The following SCRN1 variants were observed in gnomAD, a reference collection of about 807,000 sequenced individuals.
SCRN1 encodes secernin 1, also known as secernin-1.
In SCRN1, 19 loss-of-function variants were observed where a neutral mutation model predicts 43.3. The ratio of observed to expected loss-of-function variants is 0.44; its 90% confidence interval spans 0.31 to 0.64. The LOEUF (loss-of-function observed/expected upper bound fraction) is 0.64. SCRN1 is among the 30% of genes least tolerant of loss of function. The pLI, the probability that SCRN1 is intolerant of heterozygous loss-of-function variation, is 0.09. For synonymous variants in SCRN1, 183 were observed against 188.9 expected, an observed-to-expected ratio of 0.97 and a Z score of 0.26; for missense variants, 447 against 524.1, an observed-to-expected ratio of 0.85 and a Z score of 1.44.
At chr7:29,983,600 T>A (rs1272188837) in intron 1 of SCRN1, among the ~76,000 whole-genome samples, 1 of 152,156 alleles carries the variant, frequency 6.6e-6, no homozygotes, top group African/African-American at 2.4e-5. Flanking sequence ...GCTATCAACA[T>A]ATAAATAGGG....
Position 29,969,039 on chromosome 7 carries a change from A to G in SCRN1, c.29T>C (p.Phe10Ser). The change falls in exon 2 of 8, where the codon TTT (phenylalanine) becomes TCT (serine). Residue 10 changes from phenylalanine (F) to serine (S), a missense_variant. Physicochemically the swap from Phe to Ser is radical, Grantham distance 155 (BLOSUM62 -2). Transcript: ENST00000242059. MAAAPPSYC[F>S]VAFPPRAKDG... is the part of the protein sequence containing the mutation. ...CTTAGCACGTGGAGGGAAGGCAACAAAACAGTAACTTGGAGGAGCTGCAGC... is the reference window on the plus strand; with the variant it reads ...CTTAGCACGTGGAGGGAAGGCAACAGAACAGTAACTTGGAGGAGCTGCAGC... 1 of 1,613,966 alleles carries G rather than the reference A, an allele frequency of 6.2e-7. No individual in the cohort carries two copies. The highest frequency in any genetic ancestry group is 2.2e-5 in the East Asian group (1 of 44,870).
intron 1 of SCRN1, among the ~76,000 whole-genome samples, chr7:29,970,519 G>A (rs1425133808): frequency 6.6e-6 from 1 of 152,180 alleles, no homozygotes; most frequent in African/African-American, 2.4e-5. Flanking sequence ...ATCATAATCT[G>A]AAATACTTGT....
intron 4 of SCRN1, among the ~76,000 whole-genome samples, chr7:29,942,582 C>A (rs1234294268): frequency 6.6e-6 from 1 of 152,138 alleles, no homozygotes; most frequent in Non-Finnish European, 1.5e-5. Flanking sequence ...GGGTTTTTAT[C>A]AAGGAGTTTT....
At position 29,979,248 on chromosome 7, in the gene SCRN1, A is replaced by G. The variant is rs1020247847; in HGVS notation, c.-1-10180T>C. Reference sequence around the variant, plus strand: ...CGTGGTGGCACGTGCCTGTAATCCCAGCTACTCAGGAGGCTGAGGCAGGAG... The same window carrying G: ...CGTGGTGGCACGTGCCTGTAATCCCGGCTACTCAGGAGGCTGAGGCAGGAG... On this transcript the variant is annotated intron_variant, in intron 1 of 7. Transcript: ENST00000242059. 1.1e-4 allele frequency among the ~76,000 whole-genome samples: 16 copies of G among 152,254 alleles called. No homozygotes were observed. The East Asian group carries it at 3.1e-3, about 29-fold the overall frequency.
At chr7:29,982,376 T>C (rs1789015689) in intron 1 of SCRN1, among the ~76,000 whole-genome samples, 2 of 152,016 alleles carry the variant, frequency 1.3e-5, no homozygotes, top group East Asian at 3.9e-4. Flanking sequence ...GCTGAGAAAA[T>C]GAAAGCTACA....
At chr7:29,983,612 T>C (rs1273810506) in intron 1 of SCRN1, among the ~76,000 whole-genome samples, 1 of 152,174 alleles carries the variant, frequency 6.6e-6, no homozygotes, top group African/African-American at 2.4e-5. Flanking sequence ...TAAATAGGGC[T>C]TTTGGAGAAA....
chr7:29,972,280 T>C (rs1304391465), intron 1 of SCRN1, among the ~76,000 whole-genome samples: 2 of 152,156 alleles, frequency 1.3e-5, no homozygotes. Context: ...ATATGCTCCC[T>C]CTCTCCCCAT....
Position 29,947,395 on chromosome 7 carries a change from T to G in SCRN1, c.342-3216A>C, listed in dbSNP as rs968999325. The G allele has an allele frequency of 6.7e-6, 10 of 1,503,460 alleles. No individual in the cohort carries two copies. In the Admixed American group the frequency reaches 1.9e-4, roughly 29 times the overall value. The allele number at this position is 1,503,460 out of a possible 1,614,324, so 93.1% of individuals were successfully genotyped here. On this transcript the variant is annotated intron_variant, in intron 3 of 7. Transcript: ENST00000242059. ...TTGTTTAGAAACTCTGCTTATCTTT[T>G]CAACATCTGTGCCTCCATGGATTAG...
chr7:29,924,418 A>T (rs1007975639), intron 7 of SCRN1, among the ~76,000 whole-genome samples: 1 of 152,186 alleles, frequency 6.6e-6, no homozygotes, highest in African/African-American at 2.4e-5. Flanking sequence ...CCCACTCCTC[A>T]GCTGGACTGA....
At chr7:29,958,779 T>C (rs1026495274) in intron 2 of SCRN1, among the ~76,000 whole-genome samples, 4 of 152,224 alleles carry the variant, frequency 2.6e-5, no homozygotes, top group Admixed American at 2.0e-4. Context: ...ATCTGTCAGC[T>C]AGTGTGACTT....
intron 1 of SCRN1, among the ~76,000 whole-genome samples, chr7:29,977,181 G>C (rs1183707985): frequency 1.3e-5 from 2 of 152,166 alleles, no homozygotes; most frequent in African/African-American, 2.4e-5. Flanking sequence ...TGCAAGTACC[G>C]ATGACCAACT....
At chr7:29,939,006 A>G (rs542093319) in intron 5 of SCRN1, among the ~76,000 whole-genome samples, 58 of 152,276 alleles carry the variant, frequency 3.8e-4, no homozygotes, top group African/African-American at 1.4e-3. Flanking sequence ...TAAAGGCTTT[A>G]TCAGATTTAG....
intron 2 of SCRN1, among the ~76,000 whole-genome samples, chr7:29,966,139 G>GAGAC: frequency 6.8e-6 from 1 of 146,236 alleles, no homozygotes; most frequent in African/African-American, 2.5e-5. Context: ...GAGAGAGACA[G>GAGAC]AGAGAGAGAG....
intron 6 of SCRN1, among the ~76,000 whole-genome samples, chr7:29,926,955 G>A (rs907384162): frequency 4.6e-5 from 7 of 151,434 alleles, no homozygotes; most frequent in South Asian, 4.2e-4. Context: ...TCTGAGAAAC[G>A]GTGCAAGGAG....
Position 29,922,124 on chromosome 7 carries a change from A to T in SCRN1, c.*1833T>A, listed in dbSNP as rs1224758837. ...ACACTCTAAATTCACCAACAGTGAA[A>T]GCCCAGGCCAAACCTGCGTGAAGCT... On this transcript the variant is annotated 3_prime_UTR_variant, in exon 8 of 8. Transcript: ENST00000242059. 1.3e-5 allele frequency: 2 copies of T among 152,228 alleles called. No homozygotes were observed. The highest frequency in any genetic ancestry group is 4.8e-5 in the African/African-American group (2 of 41,456). 9.4% of individuals were successfully genotyped at this position (152,228 alleles called of 1,614,324 possible).
At chr7:29,987,549 T>C (rs1042678801) in intron 1 of SCRN1, among the ~76,000 whole-genome samples, 18 of 152,228 alleles carry the variant, frequency 1.2e-4, no homozygotes, top group African/African-American at 3.9e-4. Flanking sequence ...TTCTTAACTA[T>C]AGAAACAGTT....
chr7:29,934,332 C>T (rs1229214164), intron 6 of SCRN1, among the ~76,000 whole-genome samples: 4 of 152,140 alleles, frequency 2.6e-5, no homozygotes, highest in Non-Finnish European at 5.9e-5. Context: ...AGTTCCTTTA[C>T]GTTGGTGTCC....
intron 1 of SCRN1, among the ~76,000 whole-genome samples, chr7:29,980,842 T>C (rs1298135117): frequency 2.0e-5 from 3 of 152,222 alleles, no homozygotes; most frequent in Non-Finnish European, 4.4e-5. Flanking sequence ...TATATGTATA[T>C]ACCTATATAT....
At chr7:29,989,233 C>T (rs1308594735) in intron 1 of SCRN1, 2 of 152,314 alleles carry the variant, frequency 1.3e-5, no homozygotes, top group East Asian at 3.9e-4. Context: ...AGGTACGGCA[C>T]CTCGGGGAAG....
Sources: allele counts gnomAD v4.1 joint callset (sites outside exome capture counted in the v4.1 genomes callset), GRCh38; gene constraint gnomAD v4.1.1; transcripts MANE v1.5; gene names NCBI Gene and HGNC (gene_info 2026-07-23, HGNC 2026-07-21).